DNAI2: variants seen among roughly 807,000 people sequenced by gnomAD.
DNAI2 encodes dynein axonemal intermediate chain 2.
A neutral mutation model predicts 74.7 loss-of-function variants in DNAI2; 63 were observed. The observed-to-expected ratio is 0.84, with a 90% CI of 0.69 to 1.04. The LOEUF is 1.04. Among genes scored for constraint, DNAI2 ranks in the 50% least tolerant of loss-of-function variants. The pLI is 0.00. For synonymous variants in DNAI2, 289 were observed against 314.9 expected (o/e 0.92, Z 0.87); for missense variants, 688 against 803.2 (o/e 0.86, Z 1.73).
intron 10 of DNAI2, 192 bp from the exon 11 acceptor site, chr17:74,309,820 TGGGGC>T: frequency 1.4e-6 from 1 of 704,142 alleles, no homozygotes; most frequent in Non-Finnish European, 2.5e-6. Context: ...ACTGAAGGGG[TGGGGC>T]GGGAGATGAG....
chr17:74,297,869 G>A (rs894318455), intron 6 of DNAI2, among the ~76,000 whole-genome samples: 9 of 152,136 alleles, frequency 5.9e-5, no homozygotes, highest in Non-Finnish European at 1.5e-5. Context: ...TGCTCTGTAT[G>A]TTCTTATACT....
intron 1 of DNAI2, among the ~76,000 whole-genome samples, chr17:74,279,657 A>C (rs749027901): frequency 5.9e-5 from 9 of 152,144 alleles, no homozygotes; most frequent in Non-Finnish European, 1.3e-4. Context: ...CCTCCTGAGT[A>C]GCTGTGATTA....
Position 74,281,982 on chromosome 17 carries a change from C to G in DNAI2, c.165C>G (p.Ile55Met), listed in dbSNP as rs2051418197. 7.4e-6 allele frequency: 12 copies of G among 1,614,026 alleles called. No homozygotes were observed. In the South Asian group the frequency reaches 1.3e-4, roughly 18 times the overall value. Residue 55 changes from isoleucine (I) to methionine (M), a missense_variant, in exon 2 of 14, where the codon ATC (isoleucine) becomes ATG (methionine). Physicochemically the swap from Ile to Met is conservative, Grantham distance 10. Transcript: ENST00000311014. ...TGGACACGGGCATCCAGTGCTCGAT[C>G]AGCATGTCGGAACACGAGGTGGGTC... ...NPVDTGIQCSISMSEHEANSE... is the reference protein window; with the variant it reads ...NPVDTGIQCSMSMSEHEANSE...
chr17:74,310,178 C>T lies in DNAI2; in HGVS notation c.1494+15C>T. The T allele has an allele frequency of 3.7e-6, 6 of 1,612,726 alleles. No homozygotes were observed. Among genetic ancestry groups the T allele is most frequent in the Non-Finnish European group, 5.1e-6 (6 of 1,179,936 alleles). On this transcript the variant is annotated intron_variant, in intron 11 of 13. Transcript: ENST00000311014. ...TAGCCTCTTCCGTAAGCACCGGGTG[C>T]CTGGGGAAAATCCCTCCAGCACGTC...
At chr17:74,287,335 G>C (rs1007109088) in intron 4 of DNAI2, among the ~76,000 whole-genome samples, 1 of 152,212 alleles carries the variant, frequency 6.6e-6, no homozygotes, top group African/African-American at 2.4e-5. Context: ...GCCCAGCTGC[G>C]TACAGGTGGG....
At chr17:74,285,958 C>T (rs2382839) in intron 3 of DNAI2, among the ~76,000 whole-genome samples, 15,921 of 111,626 alleles carry the variant, frequency 0.14, 1,143 homozygotes, top group African/African-American at 0.21. Context: ...CACACACACA[C>T]ATATATATAT....
intron 6 of DNAI2, among the ~76,000 whole-genome samples, chr17:74,296,238 G>A (rs931043428): frequency 6.6e-6 from 1 of 151,622 alleles, no homozygotes; most frequent in African/African-American, 2.4e-5. Flanking sequence ...ACTTTGAGAA[G>A]CTGAGGCGGG....
intron 8 of DNAI2, among the ~76,000 whole-genome samples, chr17:74,301,952 AAG>A (rs1343509041): frequency 8.4e-5 from 3 of 35,700 alleles, no homozygotes; most frequent in Non-Finnish European, 2.0e-4. Flanking sequence ...GGAAGGAAGG[AAG>A]GAAGGAAGGA....
At chr17:74,311,790 G>A (rs1358843713) in intron 11 of DNAI2, among the ~76,000 whole-genome samples, 2 of 152,162 alleles carry the variant, frequency 1.3e-5, no homozygotes, top group Non-Finnish European at 2.9e-5. Context: ...CATGCTCCTT[G>A]GCATTGAGTA....
intron 9 of DNAI2, among the ~76,000 whole-genome samples, 166 bp from the exon 10 acceptor site, chr17:74,309,087 G>A (rs992917068): frequency 5.4e-5 from 8 of 148,008 alleles, no homozygotes; most frequent in African/African-American, 2.0e-4. Flanking sequence ...AAAGCAACCT[G>A]TGAGCTGTGG....
intron 9 of DNAI2, among the ~76,000 whole-genome samples, chr17:74,306,277 A>G (rs28615526): frequency 0.55 from 84,213 of 152,052 alleles, 24,372 homozygotes; most frequent in Non-Finnish European, 0.67. Flanking sequence ...AGAGAAGCTT[A>G]GACTATCACA....
At chr17:74,284,773 G>C (rs1470708607) in intron 2 of DNAI2, among the ~76,000 whole-genome samples, 1 of 152,212 alleles carries the variant, frequency 6.6e-6, no homozygotes, top group Non-Finnish European at 1.5e-5. Context: ...TGGTCCATTA[G>C]AATTCAGATA....
chr17:74,312,582 G>A (rs1282841524), intron 12 of DNAI2, among the ~76,000 whole-genome samples: 1 of 152,202 alleles, frequency 6.6e-6, no homozygotes, highest in Non-Finnish European at 1.5e-5. Flanking sequence ...TGAGCTGTCA[G>A]AGAGGAATGG....
chr17:74,298,013 A>T (rs1480827044), intron 6 of DNAI2, among the ~76,000 whole-genome samples: 1 of 152,202 alleles, frequency 6.6e-6, no homozygotes, highest in African/African-American at 2.4e-5. Context: ...GAGCTTTCAG[A>T]TTATGGAATA....
chr17:74,296,677 C>T (rs2052465335), intron 6 of DNAI2, among the ~76,000 whole-genome samples: 1 of 152,168 alleles, frequency 6.6e-6, no homozygotes, highest in Admixed American at 6.5e-5. Context: ...TACAGCCAAC[C>T]TTGCAAGAGG....
Position 74,309,899 on chromosome 17 carries a change from C to A in DNAI2, c.1348-118C>A, listed in dbSNP as rs554124252. ...TTGAACTTCATCCTGTGGGCAGAGG[C>A]GTCCTGAGGATGTTTGAATAGGGCC... On this transcript the variant is annotated intron_variant, in intron 10 of 13. Coordinates refer to ENST00000311014, the MANE Select transcript of DNAI2 (RefSeq NM_023036.6). 5.4e-5 allele frequency: 72 copies of A among 1,327,438 alleles called. No homozygotes were observed. The African/African-American group carries it at 9.6e-4, about 18-fold the overall frequency. The allele number at this position is 1,327,438 out of a possible 1,614,324, so 82.2% of individuals were successfully genotyped here. A position where few individuals can be genotyped will look rare whatever the true frequency, so the allele number is the denominator to read the frequency against.
intron 8 of DNAI2, among the ~76,000 whole-genome samples, chr17:74,303,203 TC>T (rs2052966245): frequency 6.6e-6 from 1 of 152,052 alleles, no homozygotes; most frequent in South Asian, 2.1e-4. Context: ...AGGTTGTGAG[TC>T]CTAGTACCTG....
intron 9 of DNAI2, chr17:74,307,147 G>A: frequency 2.3e-6 from 1 of 436,500 alleles, no homozygotes; most frequent in South Asian, 1.6e-5. Context: ...GCAAGTAGGG[G>A]GTTCCCAGTA....
rs750326519 is a variant in DNAI2, at chr17:74,284,997, G to A, written c.184-43G>A. ...TGCAGAAGTGGCCGAGGGTTTGGGA[G>A]TATACCAGGGTGACGTCTTCCCTCC... On this transcript the variant is annotated intron_variant, in intron 2 of 13. Transcript: ENST00000311014. 4.3e-6 allele frequency: 7 copies of A among 1,613,368 alleles called. No individual in the cohort carries two copies. The Admixed American group carries it at 1.0e-4, about 23-fold the overall frequency.
Sources: gnomAD v4.1 joint callset for allele counts (sites outside exome capture counted in the v4.1 genomes callset) on GRCh38, gnomAD v4.1.1 for gene constraint, MANE v1.5 for transcripts, NCBI Gene and HGNC (gene_info 2026-07-23, HGNC 2026-07-21) for gene names.